Variants in KATNIP observed in about 807,000 individuals in gnomAD.
KATNIP encodes the protein katanin interacting protein, also known as katanin-interacting protein.
KATNIP carries 126 observed loss-of-function variants against 174.0 expected under a neutral mutation model. The ratio of observed to expected loss-of-function variants is 0.72; its 90% CI spans 0.63 to 0.84. The LOEUF is 0.84. KATNIP is among the 40% of genes least tolerant of loss of function. The pLI, the probability that KATNIP is intolerant of heterozygous loss-of-function variation, is 0.00. For missense variants in KATNIP, 1,958 were observed against 2,109.7 expected (o/e 0.93, Z 1.41); for synonymous variants, 810 against 835.7 (o/e 0.97, Z 0.53).
chr16:27,716,530 G>A (rs2079945302), intron 13 of KATNIP, among the ~76,000 whole-genome samples: 1 of 151,616 alleles, frequency 6.6e-6, no homozygotes, highest in Admixed American at 6.6e-5. Flanking sequence ...TTCCCCAGTG[G>A]TAAATTCTAT....
At chr16:27,631,663 T>G (rs1260816345) in intron 5 of KATNIP, among the ~76,000 whole-genome samples, 1 of 152,122 alleles carries the variant, frequency 6.6e-6, no homozygotes, top group African/African-American at 2.4e-5. Context: ...GGCCCTCCCC[T>G]TTGGATGTGG....
At chr16:27,729,982 C>T (rs997841416) in intron 14 of KATNIP, among the ~76,000 whole-genome samples, 5 of 152,246 alleles carry the variant, frequency 3.3e-5, no homozygotes, top group Non-Finnish European at 4.4e-5. Context: ...AGAGGTTTGT[C>T]AGTTGCCCCA....
intron 14 of KATNIP, among the ~76,000 whole-genome samples, chr16:27,726,384 T>C (rs1055486439): frequency 6.6e-6 from 1 of 152,204 alleles, no homozygotes; most frequent in Non-Finnish European, 1.5e-5. Flanking sequence ...CTGCCCTGTT[T>C]GGTACAGTAA....
intron 5 of KATNIP, among the ~76,000 whole-genome samples, chr16:27,638,157 A>G (rs1311619436): frequency 6.6e-6 from 1 of 152,144 alleles, no homozygotes; most frequent in Non-Finnish European, 1.5e-5. Flanking sequence ...CTTAGCCTGG[A>G]TGAGGCACCC....
chr16:27,648,480 C>A, intron 5 of KATNIP, 124 bp from the exon 6 acceptor site: 1 of 1,159,012 alleles, frequency 8.6e-7, no homozygotes. Flanking sequence ...TGCATGCAGG[C>A]ACACCACCCC....
chr16:27,738,353 A>G (rs1052681853), intron 14 of KATNIP, among the ~76,000 whole-genome samples: 1 of 152,164 alleles, frequency 6.6e-6, no homozygotes, highest in African/African-American at 2.4e-5. Context: ...CTTGAGTGTG[A>G]TGGCTTCATT....
At chr16:27,647,756 C>T (rs568950737) in intron 5 of KATNIP, among the ~76,000 whole-genome samples, 55 of 152,232 alleles carry the variant, frequency 3.6e-4, no homozygotes, top group South Asian at 2.7e-3. Flanking sequence ...CCGCCCACCT[C>T]GGCCATCCAA....
intron 11 of KATNIP, among the ~76,000 whole-genome samples, chr16:27,703,544 C>T (rs2079183017): frequency 6.6e-6 from 1 of 152,122 alleles, no homozygotes; most frequent in Non-Finnish European, 1.5e-5. Context: ...AAACATAAAC[C>T]ATTCTTAGCT....
rs571896401 is a variant in KATNIP, at chr16:27,680,603, T to C, written c.809-796T>C. Among the ~76,000 whole-genome samples the C allele has an allele frequency of 6.6e-5, 10 of 152,182 alleles. No homozygotes were observed. In the East Asian group the frequency reaches 1.5e-3, roughly 24 times the overall value. On this transcript the variant is annotated intron_variant, in intron 7 of 27. Transcript: ENST00000261588. ...GTGCAGTGGCACTATCATAACTCAC[T>C]GCAGTCTCAAATTCCTGGGAGGGAT...
rs763403843 is a variant in KATNIP, at chr16:27,637,991, C to T, written c.408+6829C>T. ...TCTGTTCCCTGTCCCTGAGCTGCCG[C>T]CAACTCGTAGCTTCAGTGTTCCCCT... On this transcript the variant is annotated intron_variant, in intron 5 of 27. Transcript: ENST00000261588. The surrounding 1 kb of genome is among the most constrained non-coding windows in gnomAD (Gnocchi z 4.7). Among the ~76,000 whole-genome samples the T allele has an allele frequency of 6.6e-6, 1 of 152,212 alleles. No individual in the cohort carries two copies. The highest frequency in any genetic ancestry group is 2.4e-5 in the African/African-American group (1 of 41,454).
At position 27,777,384 on chromosome 16, in the gene KATNIP, G is replaced by C. The variant is rs529262254; in HGVS notation, c.4552-226G>C. ...TGTGCTAATGGTATTAAAGCCCCTC[G>C]GGCCTCAATTTCCTCATCTGCAATG... is the stretch of plus-strand genomic sequence containing the variant. On this transcript the variant is annotated intron_variant, in intron 25 of 27. Coordinates refer to ENST00000261588, the MANE Select transcript of KATNIP (RefSeq NM_015202.5). This position sits in a 1 kb window ranked among gnomAD's most constrained non-coding sequence, Gnocchi z 4.4. Among the ~76,000 whole-genome samples, 13 of 152,142 alleles carry C rather than the reference G, an allele frequency of 8.5e-5. No homozygotes were observed. Among genetic ancestry groups the C allele is most frequent in the Admixed American group, 7.9e-4 (12 of 15,284 alleles).
intron 1 of KATNIP, among the ~76,000 whole-genome samples, chr16:27,570,301 C>G (rs1389569169): frequency 6.6e-6 from 1 of 152,018 alleles, no homozygotes; most frequent in Admixed American, 6.6e-5. Context: ...CAGTGGCTCA[C>G]TCCTGTAATC....
intron 13 of KATNIP, among the ~76,000 whole-genome samples, chr16:27,710,653 C>G (rs894387565): frequency 4.6e-5 from 7 of 152,204 alleles, no homozygotes; most frequent in African/African-American, 1.7e-4. Flanking sequence ...AGGCACACAA[C>G]ACCACATCTG....
Position 27,778,600 on chromosome 16 carries a change from G to A in KATNIP, c.4828G>A (p.Glu1610Lys), listed in dbSNP as rs141768032. 20 of 1,613,804 alleles carry A rather than the reference G, an allele frequency of 1.2e-5. 1 individual carries two copies. In the Admixed American group the frequency reaches 2.2e-4, roughly 17 times the overall value. ...CTTACGTCCCAAAACCTGCATCAGCGAGAAGGAGACGAGACGACGGCGCTG... is the reference window on the plus strand; with the variant it reads ...CTTACGTCCCAAAACCTGCATCAGCAAGAAGGAGACGAGACGACGGCGCTG... ...PALRPKTCIS[E>K]KETRRRRC is the part of the protein sequence containing the mutation. Residue 1610 changes from glutamate to lysine, a missense_variant, in exon 28 of 28, where the codon GAG (glutamate) becomes AAG (lysine). Coordinates refer to ENST00000261588, the MANE Select transcript of KATNIP (RefSeq NM_015202.5).
intron 19 of KATNIP, among the ~76,000 whole-genome samples, chr16:27,765,771 T>A (rs2082099404): frequency 6.6e-6 from 1 of 152,238 alleles, no homozygotes. Context: ...TTCTCAGCTT[T>A]ATAATCAGTG....
chr16:27,749,675 C>T lies in KATNIP; in HGVS notation c.2715C>T (p.Ala905=), dbSNP rs769711391. 6.2e-7 allele frequency: 1 copy of T among 1,612,342 alleles called. No individual in the cohort carries two copies. The highest frequency in any genetic ancestry group is 1.3e-5 in the African/African-American group (1 of 74,872). ...TLHESWSSLS[A]FDRSHRGRIS... ...ACGAGTCATGGAGCTCCCTCAGTGCCTTCGACCGCTCCCACCGGGGACGCA... is the reference window on the plus strand; with the variant it reads ...ACGAGTCATGGAGCTCCCTCAGTGCTTTCGACCGCTCCCACCGGGGACGCA... Residue 905 remains alanine (A), a synonymous_variant, in exon 16 of 28, where the codon GCC becomes GCT. Coordinates refer to ENST00000261588, the MANE Select transcript of KATNIP (RefSeq NM_015202.5).
chr16:27,689,736 G>A (rs754144494), intron 8 of KATNIP, among the ~76,000 whole-genome samples: 1 of 152,208 alleles, frequency 6.6e-6, no homozygotes, highest in Non-Finnish European at 1.5e-5. Flanking sequence ...AACAGCAACC[G>A]TTTTATGATT....
intron 5 of KATNIP, among the ~76,000 whole-genome samples, chr16:27,636,693 G>A (rs2076646618): frequency 6.6e-6 from 1 of 152,108 alleles, no homozygotes; most frequent in Admixed American, 6.5e-5. Flanking sequence ...TCTCTGAGCT[G>A]TGTGTCTCGG....
intron 6 of KATNIP, among the ~76,000 whole-genome samples, chr16:27,650,808 T>C (rs1052318238): frequency 6.6e-6 from 1 of 152,260 alleles, no homozygotes; most frequent in Non-Finnish European, 1.5e-5. Context: ...TCGTTTTCTA[T>C]GGAATGATCC....
Sources: gnomAD v4.1 joint callset for allele counts (sites outside exome capture counted in the v4.1 genomes callset) on GRCh38, gnomAD v4.1.1 for gene constraint, Gnocchi (gnomAD v3.1) non-coding constraint, MANE v1.5 for transcripts, NCBI Gene and HGNC (gene_info 2026-07-23, HGNC 2026-07-21) for gene names.